UBA6: variants seen among roughly 807,000 people sequenced by gnomAD.
UBA6 encodes the protein ubiquitin-like modifier-activating enzyme 6.
UBA6 carries 87 observed loss-of-function variants against 148.3 expected under a neutral mutation model. That is an observed-to-expected ratio of 0.59 (90% CI 0.49 to 0.70). The LOEUF (loss-of-function observed/expected upper bound fraction) is 0.70. Among genes scored for constraint, UBA6 ranks in the 30% least tolerant of loss-of-function variants. The pLI, the probability that UBA6 is intolerant of heterozygous loss-of-function variation, is 0.00. For missense variants in UBA6, 1,186 were observed against 1,241.2 expected (o/e 0.96, Z 0.67); for synonymous variants, 376 against 401.0 (o/e 0.94, Z 0.75).
At chr4:67,636,206 G>A (rs749810134) in intron 19 of UBA6, among the ~76,000 whole-genome samples, 86 of 152,254 alleles carry the variant, frequency 5.6e-4, no homozygotes, top group Non-Finnish European at 7.6e-4. Flanking sequence ...ATGGTCCCTG[G>A]ATGAATGATT....
At chr4:67,697,759 C>A (rs1403526465) in intron 1 of UBA6, among the ~76,000 whole-genome samples, 1 of 152,194 alleles carries the variant, frequency 6.6e-6, no homozygotes, top group East Asian at 1.9e-4. Flanking sequence ...CAAGCCAAAC[C>A]ATCATCACAT....
chr4:67,640,972 A>G (rs1173314479), intron 18 of UBA6, among the ~76,000 whole-genome samples, 179 bp downstream of exon 18: 1 of 152,222 alleles, frequency 6.6e-6, no homozygotes, highest in East Asian at 1.9e-4. Context: ...AATCAATGCA[A>G]AAATCAATAT....
At chr4:67,624,325 A>C in intron 29 of UBA6, 72 bp from the exon 30 acceptor site, 1 of 1,441,848 alleles carries the variant, frequency 6.9e-7, no homozygotes, top group Non-Finnish European at 9.3e-7. Flanking sequence ...CATCTATTCA[A>C]CTTTCACGTT....
Position 67,615,547 on chromosome 4 carries a change from CTAAA to C in UBA6, c.*3446_*3449del, listed in dbSNP as rs1238950255. ...ACCCTATGACCAAAAAATTCTACTC[CTAAA>C]TATATACTCTTTGTACTAGGAGTTA... On this transcript the variant is annotated 3_prime_UTR_variant, in exon 33 of 33. Transcript: ENST00000322244. 1 of 152,092 alleles carries C rather than the reference CTAAA, an allele frequency of 6.6e-6. No individual in the cohort carries two copies. The highest frequency in any genetic ancestry group is 1.9e-4 in the East Asian group (1 of 5,202). 9.4% of individuals were successfully genotyped at this position (152,092 alleles called of 1,614,324 possible). A position where few individuals can be genotyped will look rare whatever the true frequency, so the allele number is the denominator to read the frequency against.
chr4:67,636,854 T>A (rs1489496611), intron 19 of UBA6, among the ~76,000 whole-genome samples: 2 of 144,584 alleles, frequency 1.4e-5, no homozygotes, highest in Non-Finnish European at 3.0e-5. Context: ...TGGCCGCCCA[T>A]CGTCTGGGAT....
chr4:67,685,259 A>T (rs1013383903), intron 2 of UBA6, among the ~76,000 whole-genome samples: 3 of 152,176 alleles, frequency 2.0e-5, no homozygotes, highest in Non-Finnish European at 4.4e-5. Flanking sequence ...TATATTACCT[A>T]TTAACTTCCT....
intron 18 of UBA6, among the ~76,000 whole-genome samples, chr4:67,640,386 T>C (rs1729273952): frequency 6.6e-6 from 1 of 152,242 alleles, no homozygotes; most frequent in African/African-American, 2.4e-5. Context: ...TTTAGTTACT[T>C]TCTGTTCATG....
intron 4 of UBA6, among the ~76,000 whole-genome samples, chr4:67,679,126 T>C (rs1431620493): frequency 6.6e-6 from 1 of 152,114 alleles, no homozygotes; most frequent in African/African-American, 2.4e-5. Context: ...CTCCAGGATA[T>C]GCTATAAAGA....
At chr4:67,686,704 C>A (rs992221262) in intron 2 of UBA6, among the ~76,000 whole-genome samples, 2 of 151,758 alleles carry the variant, frequency 1.3e-5, no homozygotes, top group African/African-American at 4.8e-5. Context: ...GTAATCCCAG[C>A]AATTTGGGAG....
chr4:67,649,210 G>C lies in UBA6; in HGVS notation c.1106C>G (p.Pro369Arg). 1 of 1,602,022 alleles carries C rather than the reference G, an allele frequency of 6.2e-7. No homozygotes were observed. The highest frequency in any genetic ancestry group is 1.3e-5 in the African/African-American group (1 of 74,416). The change falls in exon 14 of 33, where the codon CCT becomes CGT. Residue 369 changes from proline (P) to arginine (R), a missense_variant and splice_region_variant. Transcript: ENST00000322244. ...ATGCACAATGTCAGCATTTACATCA[G>C]GCTAAAACAAAAGCCATAAAAGACA... ...TSISETLEEK[P>R]DVNADIVHWL...
At chr4:67,619,265 T>C (rs1023428415) in intron 32 of UBA6, 133 bp from the exon 33 acceptor site, 2 of 664,294 alleles carry the variant, frequency 3.0e-6, no homozygotes, top group African/African-American at 3.7e-5. Context: ...TGCTTTCACA[T>C]ATTCATTTTT....
At chr4:67,663,779 G>C in intron 11 of UBA6, 106 bp downstream of exon 11, 1 of 941,098 alleles carries the variant, frequency 1.1e-6, no homozygotes, top group South Asian at 1.4e-5. Context: ...TATAAGGCCC[G>C]ACAGCCAGAT....
chr4:67,665,421 T>G (rs1197619229), intron 9 of UBA6, 129 bp from the exon 10 acceptor site: 2 of 515,504 alleles, frequency 3.9e-6, no homozygotes, highest in African/African-American at 2.5e-5. Flanking sequence ...GTGTTTTTTT[T>G]TGTTTGTTTG....
At chr4:67,660,408 A>G (rs1040953830) in intron 13 of UBA6, among the ~76,000 whole-genome samples, 4 of 152,174 alleles carry the variant, frequency 2.6e-5, no homozygotes, top group Non-Finnish European at 4.4e-5. Context: ...GTGTCAGGAC[A>G]TGGTGCCCTG....
intron 13 of UBA6, among the ~76,000 whole-genome samples, chr4:67,650,906 T>C (rs563696016): frequency 6.3e-4 from 96 of 152,090 alleles, no homozygotes; most frequent in African/African-American, 2.2e-3. Flanking sequence ...GAGAGAGATG[T>C]TAAGAGTTTG....
At chr4:67,637,228 G>C (rs978292230) in intron 19 of UBA6, among the ~76,000 whole-genome samples, 2 of 151,152 alleles carry the variant, frequency 1.3e-5, no homozygotes, top group African/African-American at 2.4e-5. Flanking sequence ...GGAGGTGGGG[G>C]GCAGCACCCG....
Position 67,663,913 on chromosome 4 carries a change from C to A in UBA6, c.932G>T (p.Cys311Phe). The change falls in exon 11 of 33, where the codon TGC becomes TTC. Residue 311 changes from cysteine (C) to phenylalanine (F), a missense_variant. By Grantham distance (205) the Cys-to-Phe change is radical. Transcript: ENST00000322244. ...AGGGTTGCTAAAATCCACAATAAGG[C>A]ACTTTGGATGTTTTAACTGCCTCTC... ...SLERQLKHPK[C>F]LIVDFSNPEA... 6.2e-7 allele frequency: 1 copy of A among 1,613,464 alleles called. No individual in the cohort carries two copies. Among genetic ancestry groups the A allele is most frequent in the Non-Finnish European group, 8.5e-7 (1 of 1,179,696 alleles).
chr4:67,634,375 A>T, intron 21 of UBA6, 53 bp from the exon 22 acceptor site: 12 of 1,558,462 alleles, frequency 7.7e-6, no homozygotes, highest in Non-Finnish European at 1.0e-5. Flanking sequence ...GTTTAAAGTC[A>T]GAAATATCTT....
Position 67,616,036 on chromosome 4 carries a change from G to T in UBA6, c.*2961C>A. The T allele has an allele frequency of 2.6e-6, 1 of 386,558 alleles. No homozygotes were observed. The highest frequency in any genetic ancestry group is 1.3e-4 in the South Asian group (1 of 7,692). 23.9% of individuals were successfully genotyped at this position (386,558 alleles called of 1,614,324 possible). ...GCATATTTATATTTTATGTATTTTT[G>T]AATATATATGTGTTTTTGAAAAATA... On this transcript the variant is annotated 3_prime_UTR_variant, in exon 33 of 33. Transcript: ENST00000322244.
Sources: gnomAD v4.1 joint callset for allele counts (sites outside exome capture counted in the v4.1 genomes callset) on GRCh38, gnomAD v4.1.1 for gene constraint, MANE v1.5 for transcripts, NCBI Gene and HGNC (gene_info 2026-07-23, HGNC 2026-07-21) for gene names.